Variants in ZFHX3 observed in about 807,000 individuals in gnomAD.
ZFHX3 encodes the protein zinc finger homeobox protein 3.
ZFHX3 carries 42 observed loss-of-function variants against 279.1 expected under a neutral mutation model. The ratio of observed to expected loss-of-function variants is 0.15; its 90% CI spans 0.12 to 0.19. The LOEUF (loss-of-function observed/expected upper bound fraction) is 0.19, where lower values mean the gene tolerates loss of function less well. Among genes scored for constraint, ZFHX3 ranks in the 10% least tolerant of loss-of-function variants. The pLI, the probability that ZFHX3 is intolerant of heterozygous loss-of-function variation, is 1.00. For synonymous variants in ZFHX3, 2,293 were observed against 1,957.8 expected, an observed-to-expected ratio of 1.17 and a Z score of -4.52; for missense variants, 4,981 against 4,754.0, an observed-to-expected ratio of 1.05 and a Z score of -1.40.
At chr16:73,569,558 C>G (rs186952285) in intron 2 of ZFHX3, among the ~76,000 whole-genome samples, 1 of 151,916 alleles carries the variant, frequency 6.6e-6, no homozygotes, top group Admixed American at 6.5e-5. Flanking sequence ...CCAGCAAGTG[C>G]CAAGGTCACA....
chr16:73,513,146 G>T (rs1185950508), intron 2 of ZFHX3, among the ~76,000 whole-genome samples: 1 of 152,164 alleles, frequency 6.6e-6, no homozygotes, highest in Non-Finnish European at 1.5e-5. Context: ...TAGATGAAAA[G>T]CATGTTCTGA....
chr16:72,949,558 C>G (rs73592709), intron 3 of ZFHX3, among the ~76,000 whole-genome samples: 3 of 152,078 alleles, frequency 2.0e-5, no homozygotes, highest in African/African-American at 4.8e-5. Flanking sequence ...GCACCTCCCC[C>G]TCGGTTGCCG....
At chr16:73,783,514 T>C (rs899460943) in intron 1 of ZFHX3, among the ~76,000 whole-genome samples, 2 of 152,236 alleles carry the variant, frequency 1.3e-5, no homozygotes, top group African/African-American at 4.8e-5. Flanking sequence ...AAATTCGTTG[T>C]TGCTTTTTTA....
intron 2 of ZFHX3, among the ~76,000 whole-genome samples, chr16:73,594,103 T>C (rs1378741611): frequency 2.0e-5 from 3 of 152,122 alleles, no homozygotes; most frequent in Non-Finnish European, 2.9e-5. Flanking sequence ...TTATATAAGA[T>C]ATGATTGTGA....
At chr16:73,604,816 A>C (rs2052160933) in intron 2 of ZFHX3, among the ~76,000 whole-genome samples, 1 of 151,590 alleles carries the variant, frequency 6.6e-6, no homozygotes, top group South Asian at 2.1e-4. Context: ...CAGTGCAGGG[A>C]GAATGGTTGG....
chr16:73,672,386 G>A (rs757680827), intron 2 of ZFHX3, among the ~76,000 whole-genome samples: 8 of 152,048 alleles, frequency 5.3e-5, no homozygotes, highest in Non-Finnish European at 8.8e-5. Flanking sequence ...AACTCCAGGG[G>A]ACCCAATAGG....
At chr16:73,406,814 G>C (rs2017369032) in intron 3 of ZFHX3, among the ~76,000 whole-genome samples, 1 of 152,166 alleles carries the variant, frequency 6.6e-6, no homozygotes, top group Non-Finnish European at 1.5e-5. Flanking sequence ...CAAAAGAACA[G>C]AAAGAAAGAG....
chr16:72,789,361 C>T (rs2035600879), intron 9 of ZFHX3: 1 of 152,884 alleles, frequency 6.5e-6, no homozygotes. Context: ...AGCTACCATT[C>T]ACTCTGCCCA....
At chr16:73,063,173 C>T (rs1424944696), upstream of ZFHX3, among the ~76,000 whole-genome samples, 2 of 152,214 alleles carry the variant, frequency 1.3e-5, no homozygotes, top group Admixed American at 1.3e-4. Context: ...CCACCGGCGG[C>T]CTCTGCGCGC....
intron 4 of ZFHX3, among the ~76,000 whole-genome samples, chr16:72,849,173 A>G (rs1273663998): frequency 6.6e-6 from 1 of 152,184 alleles, no homozygotes; most frequent in African/African-American, 2.4e-5. Flanking sequence ...CCACTGACGG[A>G]GAGTGTCCCT....
chr16:73,631,870 G>C (rs2052472267), intron 2 of ZFHX3, among the ~76,000 whole-genome samples: 1 of 151,230 alleles, frequency 6.6e-6, no homozygotes, highest in Admixed American at 6.6e-5. Context: ...TCGTGCCATT[G>C]CACTCCAGCC....
intron 2 of ZFHX3, among the ~76,000 whole-genome samples, chr16:73,578,798 A>G (rs1160867015): frequency 6.6e-6 from 1 of 152,112 alleles, no homozygotes; most frequent in Non-Finnish European, 1.5e-5. Context: ...AACCCCATCA[A>G]TCAGATTCAA....
At position 72,795,619 on chromosome 16, in the gene ZFHX3, C is replaced by CATCCTT; in HGVS notation, c.7057_7062dup (p.Lys2353_Asp2354dup). 1 of 1,613,736 alleles carries CATCCTT rather than the reference C, an allele frequency of 6.2e-7. No homozygotes were observed. Among genetic ancestry groups the CATCCTT allele is most frequent in the East Asian group, 2.2e-5 (1 of 44,866 alleles). On this transcript the variant is annotated inframe_insertion, in exon 9 of 10. Transcript: ENST00000268489. ...CTGTCGTCCTGCCCCTCCTCATCCTCATCCTTGTAACACAGCTTCTTCTGG... is the reference window on the plus strand; with the variant it reads ...CTGTCGTCCTGCCCCTCCTCATCCTCATCCTTATCCTTGTAACACAGCTTCTTCTGG...
At chr16:73,341,020 C>T (rs943321832) in intron 3 of ZFHX3, among the ~76,000 whole-genome samples, 3 of 152,140 alleles carry the variant, frequency 2.0e-5, no homozygotes, top group African/African-American at 4.8e-5. Context: ...CGGCCAAAGG[C>T]TAATTTCTGA....
intron 3 of ZFHX3, among the ~76,000 whole-genome samples, chr16:73,354,115 C>A (rs773128884): frequency 4.6e-5 from 7 of 152,158 alleles, no homozygotes; most frequent in Non-Finnish European, 1.0e-4. Flanking sequence ...CCAGTTCAAT[C>A]TGAATTCCAA....
chr16:72,935,476 C>T (rs1044705066), intron 3 of ZFHX3, among the ~76,000 whole-genome samples: 1 of 152,142 alleles, frequency 6.6e-6, no homozygotes, highest in Non-Finnish European at 1.5e-5. Context: ...TGCGGTAGCT[C>T]ACACCTGTAA....
chr16:73,291,571 A>G (rs530375853), intron 4 of ZFHX3, among the ~76,000 whole-genome samples: 1 of 152,342 alleles, frequency 6.6e-6, no homozygotes, highest in East Asian at 1.9e-4. Context: ...CTCACCCCTG[A>G]TTAGAAAGCC....
intron 3 of ZFHX3, among the ~76,000 whole-genome samples, chr16:73,334,150 G>A (rs924721679): frequency 6.6e-6 from 1 of 152,202 alleles, no homozygotes; most frequent in Non-Finnish European, 1.5e-5. Context: ...CAGGAGAATG[G>A]AGTCGCCACG....
chr16:73,646,024 C>T (rs1462136379), intron 2 of ZFHX3, among the ~76,000 whole-genome samples: 2 of 152,050 alleles, frequency 1.3e-5, no homozygotes, highest in African/African-American at 4.8e-5. Flanking sequence ...TCGATATAGC[C>T]TTTTGGATGG....
Sources: allele counts gnomAD v4.1 joint callset (sites outside exome capture counted in the v4.1 genomes callset), GRCh38; gene constraint gnomAD v4.1.1; transcripts MANE v1.5; gene names NCBI Gene and HGNC (gene_info 2026-07-23, HGNC 2026-07-21).